The following MRPL13 variants were observed in gnomAD, a reference collection of about 807,000 sequenced individuals.
The protein encoded by MRPL13 is large ribosomal subunit protein uL13m.
A neutral mutation model predicts 29.0 loss-of-function variants in MRPL13; 33 were observed. The observed-to-expected ratio is 1.14, with a 90% confidence interval of 0.86 to 1.52. The LOEUF is 1.52. Ranked by LOEUF, MRPL13 falls within the 40% of genes most tolerant of loss-of-function variation. The probability of loss-of-function intolerance (pLI) is 0.00; values close to 1 mark genes in which losing one functional copy is unlikely to be tolerated. For synonymous variants in MRPL13, 77 were observed against 68.4 expected, an observed-to-expected ratio of 1.13 and a Z score of -0.62; for missense variants, 227 against 216.7, an observed-to-expected ratio of 1.05 and a Z score of -0.30.
chr8:120,434,527 T>C (rs1462494697), intron 2 of MRPL13, among the ~76,000 whole-genome samples: 1 of 152,116 alleles, frequency 6.6e-6, no homozygotes, highest in South Asian at 2.1e-4. Flanking sequence ...CAAAGGCAGA[T>C]CTTACCATTT....
At chr8:120,416,691 T>G (rs1812807976) in intron 5 of MRPL13, among the ~76,000 whole-genome samples, 1 of 152,160 alleles carries the variant, frequency 6.6e-6, no homozygotes, top group Non-Finnish European at 1.5e-5. Flanking sequence ...AATCTAATCT[T>G]TACCTAAGTT....
chr8:120,444,163 T>C (rs1032117015), intron 1 of MRPL13, among the ~76,000 whole-genome samples: 1 of 152,050 alleles, frequency 6.6e-6, no homozygotes, highest in Non-Finnish European at 1.5e-5. Flanking sequence ...AAAAAATTTT[T>C]AATGAAAAAA....
At chr8:120,441,003 A>ATG (rs575565862) in intron 2 of MRPL13, among the ~76,000 whole-genome samples, 2,240 of 150,136 alleles carry the variant, frequency 0.015, 16 homozygotes, top group Non-Finnish European at 0.02. Flanking sequence ...ATTTTTAAAT[A>ATG]TGTGTGTGTG....
intron 1 of MRPL13, 119 bp from the exon 2 acceptor site, chr8:120,443,427 C>T (rs2130490915): frequency 1.0e-6 from 1 of 1,003,626 alleles, no homozygotes; most frequent in Non-Finnish European, 1.3e-6. Flanking sequence ...TTAATGTCAA[C>T]AATTTCTTTG....
At chr8:120,431,458 A>G (rs1298791123) in intron 3 of MRPL13, among the ~76,000 whole-genome samples, 2 of 152,226 alleles carry the variant, frequency 1.3e-5, no homozygotes, top group Non-Finnish European at 2.9e-5. Flanking sequence ...TTCAACAGGA[A>G]TATACCTGAA....
At chr8:120,399,414 G>T (rs1812561579) in intron 6 of MRPL13, among the ~76,000 whole-genome samples, 1 of 152,214 alleles carries the variant, frequency 6.6e-6, no homozygotes, top group East Asian at 1.9e-4. Context: ...AAGTGAAGAA[G>T]AAATAAGATC....
chr8:120,431,459 T>C (rs1812994818), intron 3 of MRPL13, among the ~76,000 whole-genome samples: 1 of 152,162 alleles, frequency 6.6e-6, no homozygotes, highest in African/African-American at 2.4e-5. Flanking sequence ...TCAACAGGAA[T>C]ATACCTGAAA....
intron 6 of MRPL13, 59 bp downstream of exon 6, chr8:120,413,932 T>A (rs1812770823): frequency 7.0e-7 from 1 of 1,426,572 alleles, no homozygotes; most frequent in Non-Finnish European, 9.2e-7. Flanking sequence ...TTTAATCATA[T>A]GGTTGAGGAA....
chr8:120,432,993 A>G (rs1176859662), intron 2 of MRPL13, among the ~76,000 whole-genome samples: 2 of 152,106 alleles, frequency 1.3e-5, no homozygotes, highest in Non-Finnish European at 2.9e-5. Context: ...ACTAAAGATT[A>G]TAAGATTCTA....
chr8:120,440,745 A>C (rs1813111755), intron 2 of MRPL13, among the ~76,000 whole-genome samples: 1 of 151,756 alleles, frequency 6.6e-6, no homozygotes, highest in Non-Finnish European at 1.5e-5. Flanking sequence ...AAATAAAGGA[A>C]AGAAAGTCAG....
intron 6 of MRPL13, among the ~76,000 whole-genome samples, chr8:120,402,744 A>G (rs749449307): frequency 1.3e-5 from 2 of 152,244 alleles, no homozygotes; most frequent in African/African-American, 2.4e-5. Context: ...TTTGTAATCT[A>G]TCCATCTGAC....
chr8:120,443,069 A>C, intron 2 of MRPL13, 116 bp downstream of exon 2: 2 of 1,033,554 alleles, frequency 1.9e-6, no homozygotes, highest in Non-Finnish European at 2.6e-6. Flanking sequence ...AATGGAATAC[A>C]GGATCCTCAG....
chr8:120,410,790 T>C (rs1394544618), intron 6 of MRPL13, among the ~76,000 whole-genome samples: 2 of 150,598 alleles, frequency 1.3e-5, no homozygotes, highest in Admixed American at 6.6e-5. Flanking sequence ...TTCTCTCTCT[T>C]TTTTTTTTGA....
rs554542000 is a variant in MRPL13, at chr8:120,419,184, C to T, written c.393+668G>A. 2.0e-5 allele frequency among the ~76,000 whole-genome samples: 3 copies of T among 151,852 alleles called. No individual in the cohort carries two copies. The South Asian group carries it at 6.2e-4, about 31-fold the overall frequency. ...TATGTCAACTTCACAGATTAGAAAA[C>T]AGAGATAAGTAACGAGCCCAAGTCC... On this transcript the variant is annotated intron_variant, in intron 5 of 6. Coordinates refer to ENST00000306185, the MANE Select transcript of MRPL13 (RefSeq NM_014078.6).
chr8:120,434,870 C>T (rs1813035204), intron 2 of MRPL13, among the ~76,000 whole-genome samples: 1 of 152,124 alleles, frequency 6.6e-6, no homozygotes, highest in African/African-American at 2.4e-5. Flanking sequence ...ATGGCAAACT[C>T]TACTTTGTTC....
chr8:120,423,959 A>T (rs1431688854), intron 4 of MRPL13, among the ~76,000 whole-genome samples: 1 of 152,146 alleles, frequency 6.6e-6, no homozygotes. Context: ...TTGATTTGGA[A>T]GTAAGGTAAA....
rs1812849792 is a variant in MRPL13 at position 120,419,927 on chromosome 8, T to G, written c.318A>C (p.Leu106=). The change falls in exon 5 of 7, where the codon CTA becomes CTC. Residue 106 remains leucine, a synonymous_variant. Transcript: ENST00000306185. ...HLRDPVAIVK[L]AIYGMLPKNL... ...TTTTTGGCAGCATGCCATAAATAGC[T>G]AGTTTTACAATCTGAAAGATATACA... 1 of 1,591,404 alleles carries G rather than the reference T, an allele frequency of 6.3e-7. No homozygotes were observed. The highest frequency in any genetic ancestry group is 8.6e-7 in the Non-Finnish European group (1 of 1,169,294).
chr8:120,431,192 C>T (rs1275803906), intron 3 of MRPL13, among the ~76,000 whole-genome samples: 2 of 151,958 alleles, frequency 1.3e-5, no homozygotes, highest in African/African-American at 4.8e-5. Context: ...ACATCAAAGG[C>T]GAAGATGCAG....
Position 120,443,177 on chromosome 8 carries a change from A to G in MRPL13, c.151+8T>C. On this transcript the variant is annotated splice_region_variant and intron_variant, in intron 2 of 6. Coordinates refer to ENST00000306185, the MANE Select transcript of MRPL13 (RefSeq NM_014078.6). ...AGTGGTTAATGACAGGTCTAAAATA[A>G]TACTTACTCAGTGCATGGTACACAG... 6.5e-7 allele frequency: 1 copy of G among 1,532,040 alleles called. No homozygotes were observed. 94.9% of individuals were successfully genotyped at this position (1,532,040 alleles called of 1,614,324 possible). A position where few individuals can be genotyped will look rare whatever the true frequency, so the allele number is the denominator to read the frequency against.
Sources: allele counts gnomAD v4.1 joint callset (sites outside exome capture counted in the v4.1 genomes callset), GRCh38; gene constraint gnomAD v4.1.1; transcripts MANE v1.5; gene names NCBI Gene and HGNC (gene_info 2026-07-23, HGNC 2026-07-21).